ZC2HC1A: variants seen among roughly 807,000 people sequenced by gnomAD.
ZC2HC1A encodes zinc finger C2HC domain-containing protein 1A.
ZC2HC1A carries 28 observed loss-of-function variants against 40.7 expected under a neutral mutation model. The observed-to-expected ratio is 0.69, with a 90% CI of 0.51 to 0.94. The LOEUF (loss-of-function observed/expected upper bound fraction) is 0.94. Among genes scored for constraint, ZC2HC1A ranks in the 40% least tolerant of loss-of-function variants. The pLI, the probability that ZC2HC1A is intolerant of heterozygous loss-of-function variation, is 0.00. For missense variants in ZC2HC1A, 389 were observed against 386.3 expected, an observed-to-expected ratio of 1.01 and a Z score of -0.06; for synonymous variants, 129 against 129.2, an observed-to-expected ratio of 1.00 and a Z score of 0.01.
rs562335954 is a variant in ZC2HC1A at position 78,714,076 on chromosome 8, A to T, written c.705-1145A>T. Among the ~76,000 whole-genome samples the T allele has an allele frequency of 1.4e-3, 212 of 152,218 alleles. 1 individual carries two copies. Among genetic ancestry groups the T allele is most frequent in the African/African-American group, 4.7e-3 (196 of 41,542 alleles). On this transcript the variant is annotated intron_variant, in intron 7 of 8. Transcript: ENST00000263849. ...GTTTAAGAACCTCTAATCTGGAGGT[A>T]TTTTTTAAAGTATTCTGCTGTTCAT...
chr8:78,708,913 A>T (rs1021947650), intron 7 of ZC2HC1A, among the ~76,000 whole-genome samples: 1 of 151,926 alleles, frequency 6.6e-6, no homozygotes, highest in African/African-American at 2.4e-5. Flanking sequence ...TGATCCATCC[A>T]CCTCGGTTTC....
At chr8:78,678,028 T>C (rs1172400304) in intron 2 of ZC2HC1A, among the ~76,000 whole-genome samples, 1 of 152,062 alleles carries the variant, frequency 6.6e-6, no homozygotes, top group Non-Finnish European at 1.5e-5. Flanking sequence ...CTGGTGGGAG[T>C]GTAGCAGTGA....
intron 5 of ZC2HC1A, among the ~76,000 whole-genome samples, chr8:78,692,969 A>C (rs923321968): frequency 3.3e-5 from 5 of 151,962 alleles, no homozygotes; most frequent in Non-Finnish European, 7.4e-5. Context: ...CCTATGAGTG[A>C]GAACATGCGG....
chr8:78,712,160 C>G, intron 7 of ZC2HC1A: 1 of 1,055,148 alleles, frequency 9.5e-7, no homozygotes, highest in East Asian at 5.9e-5. Flanking sequence ...TCCTTAAAAG[C>G]TTTATATAAT....
intron 1 of ZC2HC1A, 194 bp from the exon 2 acceptor site, chr8:78,675,593 T>C (rs552928303): frequency 1.9e-6 from 1 of 518,014 alleles, no homozygotes; most frequent in Non-Finnish European, 3.4e-6. Flanking sequence ...TCCATATTTA[T>C]CCTGACCTTT....
At chr8:78,690,652 G>A (rs1352236403) in intron 5 of ZC2HC1A, among the ~76,000 whole-genome samples, 1 of 151,672 alleles carries the variant, frequency 6.6e-6, no homozygotes, top group African/African-American at 2.4e-5. Flanking sequence ...ATGACTTCTA[G>A]CATTTGAGAT....
rs139981184 is a variant in ZC2HC1A at position 78,703,187 on chromosome 8, G to A, written c.704+4674G>A. On this transcript the variant is annotated intron_variant, in intron 7 of 8. Coordinates refer to ENST00000263849, the MANE Select transcript of ZC2HC1A (RefSeq NM_016010.3). ...GTTAGGATTACTGGCATGAGCCACC[G>A]CGCCTGGCCCATGTGATCAATTTTA... Among the ~76,000 whole-genome samples the A allele has an allele frequency of 5.9e-3, 902 of 152,196 alleles. 7 individuals are homozygous for A. The highest frequency in any genetic ancestry group is 0.02 in the African/African-American group (822 of 41,532).
At chr8:78,715,098 G>A (rs1272084672) in intron 7 of ZC2HC1A, 123 bp from the exon 8 acceptor site, 3 of 766,436 alleles carry the variant, frequency 3.9e-6, no homozygotes, top group East Asian at 2.9e-5. Flanking sequence ...TAATTATTGG[G>A]ACTTTAATCT....
chr8:78,684,650 G>C (rs1322989071), intron 3 of ZC2HC1A, among the ~76,000 whole-genome samples: 1 of 152,118 alleles, frequency 6.6e-6, no homozygotes, highest in Non-Finnish European at 1.5e-5. Context: ...CAAACAACAG[G>C]AGTAAAGGGA....
intron 1 of ZC2HC1A, among the ~76,000 whole-genome samples, chr8:78,669,067 C>T (rs1809375175): frequency 8.5e-6 from 1 of 117,042 alleles, no homozygotes; most frequent in African/African-American, 2.6e-5. Flanking sequence ...ATAGTCGTGT[C>T]TCATCAAAAT....
At chr8:78,669,990 G>C (rs1247968164) in intron 1 of ZC2HC1A, among the ~76,000 whole-genome samples, 1 of 122,370 alleles carries the variant, frequency 8.2e-6, no homozygotes, top group East Asian at 2.4e-4. Context: ...TTTTTGATAC[G>C]GAGTTTCGCT....
intron 7 of ZC2HC1A, among the ~76,000 whole-genome samples, chr8:78,699,816 T>G (rs930746922): frequency 1.1e-4 from 17 of 152,332 alleles, no homozygotes; most frequent in African/African-American, 3.8e-4. Flanking sequence ...TTTTTATGGC[T>G]GCATAGTATT....
intron 7 of ZC2HC1A, among the ~76,000 whole-genome samples, chr8:78,714,725 A>G (rs1432853857): frequency 6.6e-6 from 1 of 152,222 alleles, no homozygotes; most frequent in Non-Finnish European, 1.5e-5. Flanking sequence ...TAAAGGGAAT[A>G]TTATATTAAC....
chr8:78,697,028 T>C (rs959021400), intron 5 of ZC2HC1A, among the ~76,000 whole-genome samples: 2 of 152,198 alleles, frequency 1.3e-5, no homozygotes, highest in African/African-American at 4.8e-5. Context: ...GTGGAGCATC[T>C]GAGAGGGAGT....
intron 5 of ZC2HC1A, among the ~76,000 whole-genome samples, chr8:78,694,844 G>A (rs1810347365): frequency 6.6e-6 from 1 of 152,116 alleles, no homozygotes; most frequent in Non-Finnish European, 1.5e-5. Context: ...ATGAATGAAA[G>A]AAATACGTTG....
intron 8 of ZC2HC1A, 120 bp from the exon 9 acceptor site, chr8:78,717,208 G>T (rs1208379418): frequency 6.9e-6 from 6 of 863,554 alleles, no homozygotes; most frequent in Non-Finnish European, 8.3e-6. Context: ...TGAACTAGAG[G>T]AATATTAAAA....
chr8:78,703,921 T>A (rs925432796), intron 7 of ZC2HC1A, among the ~76,000 whole-genome samples: 1 of 152,224 alleles, frequency 6.6e-6, no homozygotes, highest in Non-Finnish European at 1.5e-5. Context: ...TGGCTCGTAA[T>A]TGTCTTTTCT....
chr8:78,715,613 T>C (rs1253515734), intron 8 of ZC2HC1A, among the ~76,000 whole-genome samples: 1 of 152,166 alleles, frequency 6.6e-6, no homozygotes, highest in Non-Finnish European at 1.5e-5. Context: ...GTTCCAAACT[T>C]CATGGATGAC....
intron 5 of ZC2HC1A, among the ~76,000 whole-genome samples, chr8:78,690,618 T>A (rs754227113): frequency 3.3e-5 from 5 of 152,114 alleles, no homozygotes; most frequent in Non-Finnish European, 5.9e-5. Context: ...CATTTTATAA[T>A]TGACTTGTCA....
Sources: gnomAD v4.1 joint callset for allele counts (sites outside exome capture counted in the v4.1 genomes callset) on GRCh38, gnomAD v4.1.1 for gene constraint, MANE v1.5 for transcripts, NCBI Gene and HGNC (gene_info 2026-07-23, HGNC 2026-07-21) for gene names.